PAK5: variants seen among roughly 807,000 people sequenced by gnomAD.
PAK5 encodes serine/threonine-protein kinase PAK 5.
In PAK5, 16 loss-of-function variants were observed where a neutral mutation model predicts 65.9. The ratio of observed to expected loss-of-function variants is 0.24; its 90% CI spans 0.16 to 0.37. PAK5 has a LOEUF of 0.37. PAK5 is among the 10% of genes least tolerant of loss of function. The pLI is 1.00. For missense variants in PAK5, 785 were observed against 903.9 expected, an observed-to-expected ratio of 0.87 and a Z score of 1.69; for synonymous variants, 371 against 354.9, an observed-to-expected ratio of 1.05 and a Z score of -0.51.
chr20:9,597,962 AT>A (rs1205761423), intron 3 of PAK5, among the ~76,000 whole-genome samples: 1 of 152,216 alleles, frequency 6.6e-6, no homozygotes, highest in Non-Finnish European at 1.5e-5. Flanking sequence ...TTTTAAAAAA[AT>A]TTATTTTAAG....
chr20:9,556,612 TCTTCCATTTAACTAAGC>T (rs1420867962), intron 7 of PAK5, among the ~76,000 whole-genome samples: 2 of 152,236 alleles, frequency 1.3e-5, no homozygotes, highest in Non-Finnish European at 2.9e-5. Context: ...GCTTTGAAAC[TCTTCCATTTAACTAAGC>T]CTTCCTTGGA....
intron 2 of PAK5, among the ~76,000 whole-genome samples, chr20:9,672,727 A>AAGTTG (rs2047517267): frequency 1.3e-5 from 2 of 152,170 alleles, no homozygotes; most frequent in Admixed American, 1.3e-4. Context: ...AGTAAATCCT[A>AAGTTG]AAAAGCAAAA....
chr20:9,562,890 C>T lies in PAK5; in HGVS notation c.1616+1G>A. 1 of 1,612,792 alleles carries T rather than the reference C, an allele frequency of 6.2e-7. No individual in the cohort carries two copies. The highest frequency in any genetic ancestry group is 8.5e-7 in the Non-Finnish European group (1 of 1,179,454). On this transcript the variant is annotated splice_donor_variant, in intron 6 of 9. Coordinates refer to ENST00000353224, the MANE Select transcript of PAK5 (RefSeq NM_177990.4). LOFTEE classifies it high-confidence loss of function. ...ATTCTCTGGATAATAAAGAAGCCTACCTGGTGTGAGTCACAATGTCTGTCA... is the reference window on the plus strand; with the variant it reads ...ATTCTCTGGATAATAAAGAAGCCTATCTGGTGTGAGTCACAATGTCTGTCA...
intron 1 of PAK5, among the ~76,000 whole-genome samples, chr20:9,819,919 G>A (rs1048347931): frequency 6.6e-6 from 1 of 152,146 alleles, no homozygotes; most frequent in Non-Finnish European, 1.5e-5. Context: ...GCTGTAGGGG[G>A]GCTGTCCATG....
intron 2 of PAK5, among the ~76,000 whole-genome samples, chr20:9,645,871 C>T (rs1423351515): frequency 6.6e-6 from 1 of 152,164 alleles, no homozygotes; most frequent in Non-Finnish European, 1.5e-5. Context: ...CAGGCATGAG[C>T]CACTGCGCCC....
intron 1 of PAK5, among the ~76,000 whole-genome samples, chr20:9,820,166 T>C (rs1391067505): frequency 6.6e-6 from 1 of 152,188 alleles, no homozygotes; most frequent in Non-Finnish European, 1.5e-5. Flanking sequence ...CTGCTTCCCA[T>C]AACATCCAGC....
chr20:9,640,781 A>G (rs145791463), intron 3 of PAK5, among the ~76,000 whole-genome samples: 1,555 of 151,068 alleles, frequency 0.01, 10 homozygotes, highest in Middle Eastern at 0.027. Flanking sequence ...AGCTCTTAAG[A>G]CAGCGCGTCT....
intron 5 of PAK5, among the ~76,000 whole-genome samples, chr20:9,564,296 T>C (rs186238501): frequency 6.6e-6 from 1 of 152,292 alleles, no homozygotes; most frequent in Non-Finnish European, 1.5e-5. Context: ...AATGAGAAAG[T>C]GGAAGGTAAA....
At chr20:9,678,843 G>C (rs1158935967) in intron 2 of PAK5, among the ~76,000 whole-genome samples, 1 of 152,106 alleles carries the variant, frequency 6.6e-6, no homozygotes, top group African/African-American at 2.4e-5. Context: ...ACCTCCCACT[G>C]GGTCCCTCCC....
At chr20:9,835,618 T>G (rs1429178838) in intron 1 of PAK5, among the ~76,000 whole-genome samples, 1 of 152,096 alleles carries the variant, frequency 6.6e-6, no homozygotes, top group Non-Finnish European at 1.5e-5. Context: ...TGTTAGGAAG[T>G]TATTCTAGTG....
chr20:9,825,441 C>T (rs1294561408), intron 1 of PAK5, among the ~76,000 whole-genome samples: 1 of 152,150 alleles, frequency 6.6e-6, no homozygotes, highest in Admixed American at 6.5e-5. Context: ...TACTTCACTG[C>T]TGTGAGCACA....
At chr20:9,764,600 G>T (rs1457425619) in intron 1 of PAK5, among the ~76,000 whole-genome samples, 1 of 152,144 alleles carries the variant, frequency 6.6e-6, no homozygotes, top group Non-Finnish European at 1.5e-5. Context: ...GGTAAAATAA[G>T]CATTATGGCT....
intron 1 of PAK5, among the ~76,000 whole-genome samples, chr20:9,766,703 T>C (rs2048772584): frequency 6.6e-6 from 1 of 151,490 alleles, no homozygotes; most frequent in Non-Finnish European, 1.5e-5. Flanking sequence ...AAGGTTAAAA[T>C]AGGTGAAACT....
At chr20:9,641,765 C>T (rs955623638) in intron 3 of PAK5, among the ~76,000 whole-genome samples, 20 of 152,142 alleles carry the variant, frequency 1.3e-4, no homozygotes, top group African/African-American at 2.2e-4. Context: ...GGCGAGAAAT[C>T]GAGCACAGCG....
At chr20:9,603,502 C>G (rs1296409413) in intron 3 of PAK5, among the ~76,000 whole-genome samples, 1 of 152,142 alleles carries the variant, frequency 6.6e-6, no homozygotes, top group African/African-American at 2.4e-5. Flanking sequence ...TGGCTGATCC[C>G]CAGCTCACAT....
At chr20:9,609,194 T>C (rs2046512077) in intron 3 of PAK5, among the ~76,000 whole-genome samples, 1 of 152,146 alleles carries the variant, frequency 6.6e-6, no homozygotes, top group African/African-American at 2.4e-5. Context: ...GAAGACAGAC[T>C]TGCCTTTGCC....
chr20:9,820,242 T>C (rs1174434919), intron 1 of PAK5, among the ~76,000 whole-genome samples: 3 of 152,238 alleles, frequency 2.0e-5, no homozygotes, highest in African/African-American at 7.2e-5. Flanking sequence ...TCAACTGTCA[T>C]GAAAATGAAT....
intron 1 of PAK5, among the ~76,000 whole-genome samples, chr20:9,819,360 T>C (rs543460863): frequency 2.6e-5 from 4 of 152,214 alleles, no homozygotes; most frequent in East Asian, 1.9e-4. Flanking sequence ...CACAAGAGGA[T>C]AGGGCTAAAG....
At chr20:9,691,843 T>G (rs1390004275) in intron 2 of PAK5, among the ~76,000 whole-genome samples, 1 of 152,196 alleles carries the variant, frequency 6.6e-6, no homozygotes, top group East Asian at 1.9e-4. Flanking sequence ...TATAAACATT[T>G]TTATTTGAGG....
Sources: gnomAD v4.1 joint callset for allele counts (sites outside exome capture counted in the v4.1 genomes callset) on GRCh38, gnomAD v4.1.1 for gene constraint, MANE v1.5 for transcripts, NCBI Gene and HGNC (gene_info 2026-07-23, HGNC 2026-07-21) for gene names.